The following NEDD4 variants were observed in gnomAD, a reference collection of about 807,000 sequenced individuals.
NEDD4 encodes NEDD4 E3 ubiquitin protein ligase.
NEDD4 carries 99 observed loss-of-function variants against 144.9 expected under a neutral mutation model. The observed-to-expected ratio is 0.68, with a 90% CI of 0.58 to 0.81. NEDD4 has a LOEUF of 0.81. Ranked by LOEUF, NEDD4 falls within the 30% of genes least tolerant of loss-of-function variation. The pLI, the probability that NEDD4 is intolerant of heterozygous loss-of-function variation, is 0.00. For missense variants in NEDD4, 985 were observed against 1,065.9 expected, an observed-to-expected ratio of 0.92 and a Z score of 1.06; for synonymous variants, 318 against 350.6, an observed-to-expected ratio of 0.91 and a Z score of 1.04.
chr15:55,898,481 G>A (rs1488536347), intron 5 of NEDD4, among the ~76,000 whole-genome samples: 1 of 152,148 alleles, frequency 6.6e-6, no homozygotes, highest in African/African-American at 2.4e-5. Context: ...TCACGGGCAA[G>A]CAGCCTTGAT....
At chr15:55,864,687 G>GAA (rs57833326) in intron 8 of NEDD4, among the ~76,000 whole-genome samples, 1 of 126,266 alleles carries the variant, frequency 7.9e-6, no homozygotes, top group African/African-American at 3.0e-5. Flanking sequence ...TGTCTCATAA[G>GAA]AAAAAAAAAA....
chr15:55,991,307 A>G (rs1287569777), intron 1 of NEDD4, among the ~76,000 whole-genome samples: 1 of 151,874 alleles, frequency 6.6e-6, no homozygotes, highest in African/African-American at 2.4e-5. Context: ...GGTGGGGAGG[A>G]TGGGGGAGTG....
chr15:55,951,543 G>T lies in NEDD4; in HGVS notation c.166C>A (p.Leu56Ile). 6.6e-7 allele frequency: 1 copy of T among 1,517,998 alleles called. No individual in the cohort carries two copies. Among genetic ancestry groups the T allele is most frequent in the South Asian group, 1.3e-5 (1 of 77,300 alleles). The allele number at this position is 1,517,998 out of a possible 1,614,324, so 94.0% of individuals were successfully genotyped here. Residue 56 changes from leucine to isoleucine, a missense_variant, in exon 3 of 29, where the codon CTT (leucine) becomes ATT (isoleucine). By Grantham distance (5) the Leu-to-Ile change is conservative. Coordinates refer to ENST00000435532, the MANE Select transcript of NEDD4 (RefSeq NM_006154.4). ...ATGGTTTTTGTTTGCACACTTGTAA[G>T]AACTCCATTCATTGGGTCATATAAC... ...VTLYDPMNGV[L>I]TSVQTKTIKK... is the part of the protein sequence containing the mutation.
chr15:55,979,327 A>C (rs183798948), intron 1 of NEDD4, among the ~76,000 whole-genome samples: 137 of 149,004 alleles, frequency 9.2e-4, no homozygotes, highest in African/African-American at 3.3e-3. Flanking sequence ...AAGATCATGA[A>C]AGTTTTTACC....
At chr15:55,927,077 C>CAAAAGAAAAAAAAAAAAAA (rs2036683576) in intron 4 of NEDD4, among the ~76,000 whole-genome samples, 1 of 70,670 alleles carries the variant, frequency 1.4e-5, no homozygotes, top group Non-Finnish European at 2.7e-5. Context: ...GACTACGTCT[C>CAAAAGAAAAAAAAAAAAAA]AAAAAAAAAA....
intron 1 of NEDD4, among the ~76,000 whole-genome samples, chr15:55,979,724 C>A (rs1430523050): frequency 2.0e-5 from 3 of 152,062 alleles, no homozygotes; most frequent in African/African-American, 7.2e-5. Context: ...TCTGTCCTTT[C>A]TTCAAAGCCC....
chr15:55,926,990 C>T (rs1411547811), intron 4 of NEDD4, among the ~76,000 whole-genome samples: 2 of 147,066 alleles, frequency 1.4e-5, no homozygotes, highest in Non-Finnish European at 3.0e-5. Context: ...GCAGGAGAAT[C>T]GCTTGAACCT....
intron 5 of NEDD4, among the ~76,000 whole-genome samples, chr15:55,923,248 T>G (rs1239070288): frequency 1.3e-5 from 2 of 151,946 alleles, no homozygotes; most frequent in Non-Finnish European, 2.9e-5. Context: ...AAGGAAAACA[T>G]TTTATATTCT....
intron 5 of NEDD4, among the ~76,000 whole-genome samples, chr15:55,885,961 C>T (rs1047538521): frequency 1.3e-5 from 2 of 149,072 alleles, no homozygotes; most frequent in African/African-American, 4.9e-5. Context: ...CTACAAGAAA[C>T]ACATTTCACC....
chr15:55,838,600 C>G lies in NEDD4; in HGVS notation c.2036G>C (p.Ser679Thr), dbSNP rs1344225976. ...ITLHDMESVDSEYYNSLRWIL... is the reference protein window; with the variant it reads ...ITLHDMESVDTEYYNSLRWIL... ...CCATCTTAGGGAATTGTAATATTCA[C>G]TATCCTAGATGGGAAAAATTACATA... is the stretch of plus-strand genomic sequence containing the variant. The change falls in exon 22 of 29, where the codon AGT becomes ACT. Residue 679 changes from serine to threonine, a missense_variant. Ser to Thr is a moderately conservative substitution (Grantham distance 58). Transcript: ENST00000435532. 1 of 1,603,270 alleles carries G rather than the reference C, an allele frequency of 6.2e-7. No individual in the cohort carries two copies.
At chr15:55,877,733 T>A (rs1202090683) in intron 5 of NEDD4, among the ~76,000 whole-genome samples, 1 of 152,152 alleles carries the variant, frequency 6.6e-6, no homozygotes, top group Non-Finnish European at 1.5e-5. Context: ...TTATTCTGCT[T>A]AAGCAAAGAA....
intron 2 of NEDD4, among the ~76,000 whole-genome samples, chr15:55,956,546 G>A (rs1354264391): frequency 6.6e-6 from 1 of 152,024 alleles, no homozygotes; most frequent in Non-Finnish European, 1.5e-5. Flanking sequence ...CCTTTCCCTT[G>A]AATTACCTCA....
chr15:55,848,945 G>A, intron 14 of NEDD4, 59 bp from the exon 15 acceptor site: 8 of 1,320,914 alleles, frequency 6.1e-6, no homozygotes, highest in Middle Eastern at 1.8e-4. Context: ...ATCAAAGTCA[G>A]TCTGTTACCA....
At chr15:55,891,582 A>G (rs1356956923) in intron 5 of NEDD4, among the ~76,000 whole-genome samples, 1 of 152,236 alleles carries the variant, frequency 6.6e-6, no homozygotes, top group African/African-American at 2.4e-5. Context: ...TGCATTTGGT[A>G]TAATATAAGT....
chr15:55,887,014 T>C (rs2035415213), intron 5 of NEDD4, among the ~76,000 whole-genome samples: 1 of 151,486 alleles, frequency 6.6e-6, no homozygotes, highest in Non-Finnish European at 1.5e-5. Flanking sequence ...GGGGAAAGTT[T>C]ATAGCTAACA....
At chr15:55,924,567 A>T (rs2036628006) in intron 5 of NEDD4, 79 bp downstream of exon 5, 1 of 1,265,438 alleles carries the variant, frequency 7.9e-7, no homozygotes, top group African/African-American at 1.5e-5. Flanking sequence ...CAAATCCCAG[A>T]CTGCTTACCC....
intron 2 of NEDD4, among the ~76,000 whole-genome samples, chr15:55,954,910 T>C (rs1391283001): frequency 2.0e-5 from 3 of 151,938 alleles, no homozygotes; most frequent in African/African-American, 7.3e-5. Context: ...AATGGCCTTC[T>C]TCAGATATCT....
At chr15:55,989,554 T>G in intron 1 of NEDD4, among the ~76,000 whole-genome samples, 1 of 152,242 alleles carries the variant, frequency 6.6e-6, no homozygotes, top group Non-Finnish European at 1.5e-5. Flanking sequence ...ACCCTGCTAC[T>G]TATGCACTGT....
intron 5 of NEDD4, among the ~76,000 whole-genome samples, chr15:55,897,867 A>G (rs1566939015): frequency 6.6e-6 from 1 of 152,144 alleles, no homozygotes; most frequent in Non-Finnish European, 1.5e-5. Flanking sequence ...AGGCTTCCAC[A>G]TCCGGTTCCT....
Sources: allele counts gnomAD v4.1 joint callset (sites outside exome capture counted in the v4.1 genomes callset), GRCh38; gene constraint gnomAD v4.1.1; transcripts MANE v1.5; gene names NCBI Gene and HGNC (gene_info 2026-07-23, HGNC 2026-07-21).